CELF2: variants seen among roughly 807,000 people sequenced by gnomAD.
The protein encoded by CELF2 is CUG triplet repeat RNA-binding protein 2.
A neutral mutation model predicts 62.6 loss-of-function variants in CELF2; 8 were observed. That is an observed-to-expected ratio of 0.13 (90% confidence interval 0.07 to 0.23). The LOEUF (loss-of-function observed/expected upper bound fraction) is 0.23. Among genes scored for constraint, CELF2 ranks in the 10% least tolerant of loss-of-function variants. The probability of loss-of-function intolerance (pLI) is 1.00; values close to 1 mark genes in which losing one functional copy is unlikely to be tolerated. For missense variants in CELF2, 333 were observed against 671.0 expected, an observed-to-expected ratio of 0.50 and a Z score of 5.56; for synonymous variants, 258 against 250.0, an observed-to-expected ratio of 1.03 and a Z score of -0.30.
the CELF2 span, among the ~76,000 whole-genome samples, chr10:10,499,693 C>T: frequency 1.1e-4 from 17 of 152,284 alleles, no homozygotes; most frequent in East Asian, 3.9e-4. Flanking sequence ...GCCTGGTCAA[C>T]GTGGTGAAAT....
the CELF2 span, among the ~76,000 whole-genome samples, chr10:10,650,771 G>A: frequency 5.3e-5 from 8 of 152,256 alleles, no homozygotes; most frequent in East Asian, 1.9e-4. Flanking sequence ...AAGTTTTAGC[G>A]TTCCTCAAAA....
the CELF2 span, among the ~76,000 whole-genome samples, chr10:10,649,925 C>T: frequency 2.6e-5 from 4 of 151,950 alleles, no homozygotes; most frequent in Non-Finnish European, 5.9e-5. Flanking sequence ...ATCTCTGCAG[C>T]GGGATGATTT....
chr10:10,850,334 G>A (rs1229772112), intron 1 of CELF2, among the ~76,000 whole-genome samples: 3 of 152,182 alleles, frequency 2.0e-5, no homozygotes, highest in Admixed American at 1.3e-4. Context: ...TCACTGCATG[G>A]TACCTATGTA....
At chr10:10,658,863 A>C in the CELF2 span, among the ~76,000 whole-genome samples, 4 of 152,198 alleles carry the variant, frequency 2.6e-5, no homozygotes, top group Non-Finnish European at 5.9e-5. Flanking sequence ...TTGCCTGGAT[A>C]ACACAGAGAG....
intron 11 of CELF2, among the ~76,000 whole-genome samples, chr10:11,323,162 G>A (rs1426338934): frequency 1.3e-5 from 2 of 152,072 alleles, no homozygotes; most frequent in Admixed American, 6.5e-5. Context: ...ACTGCTTAGT[G>A]CAGTAATTCC....
intron 1 of CELF2, among the ~76,000 whole-genome samples, chr10:11,019,166 A>G (rs1262931564): frequency 6.6e-6 from 1 of 152,188 alleles, no homozygotes; most frequent in Non-Finnish European, 1.5e-5. Context: ...AGTAGGATCT[A>G]TTTGTATTTC....
chr10:10,995,835 G>A lies in CELF2; in HGVS notation c.89+75836G>A, dbSNP rs550196531. On this transcript the variant is annotated intron_variant, in intron 2 of 13. Coordinates refer to the CELF2 transcript ENST00000636488. This position sits in a 1 kb window ranked among gnomAD's most constrained non-coding sequence, Gnocchi z 4.7. ...GGAAAGTGTTGTTCAACAGATTCTC[G>A]TCTCTCTGACAATGTAAACTCATGG... Among the ~76,000 whole-genome samples, 22 of 152,256 alleles carry A rather than the reference G, an allele frequency of 1.4e-4. No individual in the cohort carries two copies. Among genetic ancestry groups the A allele is most frequent in the African/African-American group, 2.6e-4 (11 of 41,556 alleles).
chr10:10,645,668 T>C, the CELF2 span, among the ~76,000 whole-genome samples: 1 of 152,042 alleles, frequency 6.6e-6, no homozygotes. Context: ...AAATAAAAAA[T>C]AAATTTGCTT....
At chr10:10,718,334 G>T in the CELF2 span, among the ~76,000 whole-genome samples, 1 of 152,008 alleles carries the variant, frequency 6.6e-6, no homozygotes, top group Admixed American at 6.6e-5. Flanking sequence ...ACAAATCCAT[G>T]ATTTCTTGGC....
the CELF2 span, among the ~76,000 whole-genome samples, chr10:10,468,860 A>T: frequency 6.6e-6 from 1 of 151,844 alleles, no homozygotes; most frequent in Non-Finnish European, 1.5e-5. Context: ...TTCATTCTAA[A>T]TTTGATGTTT....
chr10:11,013,754 G>A (rs889538342), upstream of CELF2, among the ~76,000 whole-genome samples: 15 of 152,280 alleles, frequency 9.9e-5, 1 homozygote, highest in African/African-American at 3.4e-4. This position sits in a 1 kb window ranked among gnomAD's most constrained non-coding sequence, Gnocchi z 4.1. Flanking sequence ...AAGTTATCAA[G>A]ATGGAGGGAA....
In CELF2 at chr10:10,957,278, T is replaced by C. The variant is rs928137260; in HGVS notation, c.89+37279T>C. ...ATGACCTCAGGTGCTGGTAAAGTTA[T>C]TGAAAGAAGTACATTACAGGTAATG... On this transcript the variant is annotated intron_variant, in intron 2 of 13. Transcript: ENST00000636488. The surrounding 1 kb of genome is among the most constrained non-coding windows in gnomAD (Gnocchi z 4.1). 9.2e-5 allele frequency among the ~76,000 whole-genome samples: 14 copies of C among 152,232 alleles called. No homozygotes were observed. The highest frequency in any genetic ancestry group is 3.4e-4 in the African/African-American group (14 of 41,464).
intron 1 of CELF2, among the ~76,000 whole-genome samples, chr10:11,130,953 A>G (rs2059532845): frequency 6.6e-6 from 1 of 152,260 alleles, no homozygotes; most frequent in South Asian, 2.1e-4. Context: ...GTGCATTTGC[A>G]TATTAACAAA....
the CELF2 span, among the ~76,000 whole-genome samples, chr10:10,527,567 A>G: frequency 6.6e-6 from 1 of 152,180 alleles, no homozygotes; most frequent in Admixed American, 6.5e-5. Context: ...AAATCAATCC[A>G]GTACTTGAGT....
At chr10:11,130,234 G>C (rs984328172) in intron 1 of CELF2, among the ~76,000 whole-genome samples, 1 of 152,238 alleles carries the variant, frequency 6.6e-6, no homozygotes, top group Non-Finnish European at 1.5e-5. Context: ...TGTGGTCTGA[G>C]AAACAGTTTG....
chr10:11,250,963 A>G (rs1270297301), intron 4 of CELF2, among the ~76,000 whole-genome samples: 2 of 152,176 alleles, frequency 1.3e-5, no homozygotes, highest in African/African-American at 2.4e-5. Flanking sequence ...TGTGCTCCAG[A>G]GGTGCGTGCT....
intron 1 of CELF2, among the ~76,000 whole-genome samples, chr10:11,097,123 C>CT (rs939936035): frequency 2.6e-4 from 39 of 152,120 alleles, no homozygotes; most frequent in African/African-American, 8.5e-4. Flanking sequence ...ATTTCCAAAT[C>CT]TTTTTTTAGT....
chr10:11,202,671 CCA>C (rs1414442047), intron 2 of CELF2, among the ~76,000 whole-genome samples: 1 of 152,174 alleles, frequency 6.6e-6, no homozygotes, highest in Non-Finnish European at 1.5e-5. Flanking sequence ...TTTGGGGTAG[CCA>C]CTGTTTAGAC....
At chr10:11,036,438 T>A (rs1390563462) in intron 1 of CELF2, among the ~76,000 whole-genome samples, 1 of 152,228 alleles carries the variant, frequency 6.6e-6, no homozygotes, top group Non-Finnish European at 1.5e-5. Flanking sequence ...GAGGGTATGT[T>A]CTATACAATG....
Sources: gnomAD v4.1 joint callset for allele counts (sites outside exome capture counted in the v4.1 genomes callset) on GRCh38, gnomAD v4.1.1 for gene constraint, Gnocchi (gnomAD v3.1) non-coding constraint, MANE v1.5 for transcripts, NCBI Gene and HGNC (gene_info 2026-07-23, HGNC 2026-07-21) for gene names.